The following SNX19 variants were observed in gnomAD, a reference collection of about 807,000 sequenced individuals.
SNX19 encodes the protein sorting nexin 19.
A neutral mutation model predicts 85.2 loss-of-function variants in SNX19; 60 were observed. The ratio of observed to expected loss-of-function variants is 0.70; its 90% CI spans 0.57 to 0.87. The LOEUF (loss-of-function observed/expected upper bound fraction) is 0.87, where lower values mean the gene tolerates loss of function less well. Among genes scored for constraint, SNX19 ranks in the 40% least tolerant of loss-of-function variants. The probability of loss-of-function intolerance (pLI) is 0.00; values close to 1 mark genes in which losing one functional copy is unlikely to be tolerated. For missense variants in SNX19, 1,201 were observed against 1,217.8 expected, an observed-to-expected ratio of 0.99 and a Z score of 0.21; for synonymous variants, 520 against 470.0, an observed-to-expected ratio of 1.11 and a Z score of -1.38.
chr11:130,888,634 C>T (rs1944267560), intron 8 of SNX19, among the ~76,000 whole-genome samples: 1 of 152,182 alleles, frequency 6.6e-6, no homozygotes, highest in African/African-American at 2.4e-5. Context: ...TCATCTGCTT[C>T]AGAAATTTCC....
rs59441467 is a variant in SNX19 at position 130,895,738 on chromosome 11, A to G, written c.2573+7517T>C. ...ACACACACACAGAAATGCAAATGCA[A>G]TGCTCAGGCACACGGCTGTCAGCTG... On this transcript the variant is annotated intron_variant, in intron 8 of 10. Coordinates refer to ENST00000265909, the MANE Select transcript of SNX19 (RefSeq NM_014758.3). Among the ~76,000 whole-genome samples the G allele has an allele frequency of 1.3e-3, 202 of 152,342 alleles. 1 individual carries two copies. The highest frequency in any genetic ancestry group is 4.7e-3 in the African/African-American group (194 of 41,574).
Position 130,908,053 on chromosome 11 carries a change from TCAAGGTGTCCA to T in SNX19, c.2054_2064del (p.Val685GlufsTer8). 1 of 1,614,156 alleles carries T rather than the reference TCAAGGTGTCCA, an allele frequency of 6.2e-7. No individual in the cohort carries two copies. Among genetic ancestry groups the T allele is most frequent in the Non-Finnish European group, 8.5e-7 (1 of 1,180,030 alleles). ...GGTTCAGAGCGAGGAAACGCTGTCT[TCAAGGTGTCCA>T]CAATGGCACTCACCACCATCTGCAG... On this transcript the variant is annotated frameshift_variant, in exon 5 of 11. Coordinates refer to ENST00000265909, the MANE Select transcript of SNX19 (RefSeq NM_014758.3). LOFTEE classifies it high-confidence loss of function.
chr11:130,890,368 TA>T (rs2135323647), intron 8 of SNX19, among the ~76,000 whole-genome samples: 2 of 152,316 alleles, frequency 1.3e-5, no homozygotes, highest in South Asian at 4.1e-4. Context: ...TTCCTGTTTC[TA>T]ACTTTGGCCC....
At position 130,914,877 on chromosome 11, in the gene SNX19, G is replaced by A. The variant is rs773454443; in HGVS notation, c.1063C>T (p.His355Tyr). Residue 355 changes from histidine (H) to tyrosine (Y), a missense_variant, in exon 1 of 11, where the codon CAT becomes TAT. Around this residue, in one of 3 missense-constraint regions of SNX19, gnomAD observed 791 missense variants for 750.9 expected, o/e 1.05. Coordinates refer to ENST00000265909, the MANE Select transcript of SNX19 (RefSeq NM_014758.3). ...CCTCGAACATTTGGCTGTAGGAAAT[G>A]AGATGAGTTGTTTCCTACTTTTCTT... ...EERKVGNNSS[H>Y]FLQPNVRGPL... The A allele has an allele frequency of 4.3e-6, 7 of 1,614,084 alleles. No homozygotes were observed. Among genetic ancestry groups the A allele is most frequent in the Non-Finnish European group, 5.9e-6 (7 of 1,180,038 alleles).
rs1943110038 is a variant in SNX19, at chr11:130,873,605, G to A, written c.*4817C>T. ...TAGAAAATGGGGATATATTAGATTG[G>A]TGCAAAAGTAATTGCATTAAAATGG... On this transcript the variant is annotated 3_prime_UTR_variant, in exon 11 of 11. Transcript: ENST00000265909. Among the ~76,000 whole-genome samples the A allele has an allele frequency of 6.6e-6, 1 of 152,028 alleles. No homozygotes were observed. Among genetic ancestry groups the A allele is most frequent in the Non-Finnish European group, 1.5e-5 (1 of 68,012 alleles).
intron 4 of SNX19, among the ~76,000 whole-genome samples, chr11:130,909,776 G>A (rs1473468800): frequency 6.6e-6 from 1 of 152,168 alleles, no homozygotes; most frequent in Admixed American, 6.5e-5. Context: ...GGAGATATGT[G>A]TACACTTAAG....
At chr11:130,897,417 C>A (rs756596462) in intron 8 of SNX19, among the ~76,000 whole-genome samples, 4 of 152,048 alleles carry the variant, frequency 2.6e-5, no homozygotes, top group Admixed American at 1.3e-4. Flanking sequence ...CCCTTTTTAA[C>A]TGAGAAATCC....
At chr11:130,908,316 G>T in intron 4 of SNX19, 1 of 336,368 alleles carries the variant, frequency 3.0e-6, no homozygotes. Flanking sequence ...AACAAACAAC[G>T]CCATGGGAAA....
intron 4 of SNX19, among the ~76,000 whole-genome samples, chr11:130,909,010 C>T (rs11222383): frequency 0.16 from 24,200 of 152,132 alleles, 2,198 homozygotes; most frequent in Middle Eastern, 0.25. Flanking sequence ...TGGGGGAGAA[C>T]AAACCAGGGA....
Position 130,873,955 on chromosome 11 carries a change from A to G in SNX19, c.*4467T>C, listed in dbSNP as rs950414301. On this transcript the variant is annotated 3_prime_UTR_variant, in exon 11 of 11. Transcript: ENST00000265909. ...AAAATACTATTGAAAGCCAATCACA[A>G]TGCCATTCTCAGTGTCAGTGGATTG... Among the ~76,000 whole-genome samples, 10 of 152,230 alleles carry G rather than the reference A, an allele frequency of 6.6e-5. No individual in the cohort carries two copies. The highest frequency in any genetic ancestry group is 1.9e-4 in the East Asian group (1 of 5,182).
Position 130,915,020 on chromosome 11 carries a change from G to A in SNX19, c.920C>T (p.Pro307Leu), listed in dbSNP as rs1377036293. 2 of 1,614,020 alleles carry A rather than the reference G, an allele frequency of 1.2e-6. No individual in the cohort carries two copies. The highest frequency in any genetic ancestry group is 1.7e-5 in the Admixed American group (1 of 60,004). ...ACTTAGGAATACTGGGGCTGCTACT[G>A]GAGAAGCTCTCCCTTCTGGAAGCTG... Reference protein sequence around the residue: ...VEQLPEGRASPVAAPVFLSYS... With the variant: ...VEQLPEGRASLVAAPVFLSYS... Residue 307 changes from proline (P) to leucine (L), a missense_variant, in exon 1 of 11, where the codon CCA (proline) becomes CTA (leucine). Coordinates refer to ENST00000265909, the MANE Select transcript of SNX19 (RefSeq NM_014758.3).
chr11:130,899,486 A>G (rs930954664), intron 8 of SNX19, among the ~76,000 whole-genome samples: 52 of 152,346 alleles, frequency 3.4e-4, no homozygotes, highest in African/African-American at 1.2e-3. Flanking sequence ...AAAAGATGGG[A>G]AAAATGATTT....
intron 4 of SNX19, among the ~76,000 whole-genome samples, chr11:130,908,800 G>A (rs976402636): frequency 6.6e-6 from 1 of 152,232 alleles, no homozygotes; most frequent in Non-Finnish European, 1.5e-5. Flanking sequence ...AAAGGACAAT[G>A]TACAAACAAA....
At chr11:130,902,948 TGGA>T (rs769349996) in intron 8 of SNX19, 2 of 262,348 alleles carry the variant, frequency 7.6e-6, no homozygotes, top group Non-Finnish European at 1.5e-5. Context: ...GGTGCAGGGC[TGGA>T]GGATATAACT....
At chr11:130,900,422 C>A (rs151191009) in intron 8 of SNX19, among the ~76,000 whole-genome samples, 2 of 152,186 alleles carry the variant, frequency 1.3e-5, no homozygotes, top group African/African-American at 4.8e-5. Context: ...ATGTCTGCCA[C>A]GCAGCTGGAG....
Position 130,871,713 on chromosome 11 carries a change from C to A in SNX19, c.*6709G>T, listed in dbSNP as rs1221952480. On this transcript the variant is annotated 3_prime_UTR_variant, in exon 11 of 11. Coordinates refer to ENST00000265909, the MANE Select transcript of SNX19 (RefSeq NM_014758.3). ...GAGTTCTGTGTTTATCTAGCTACAT[C>A]TTTACTCTCATGGGTTAATCAAAGT... is the stretch of plus-strand genomic sequence containing the variant. Among the ~76,000 whole-genome samples, 6 of 152,138 alleles carry A rather than the reference C, an allele frequency of 3.9e-5. No homozygotes were observed. The highest frequency in any genetic ancestry group is 3.3e-4 in the Admixed American group (5 of 15,272).
Position 130,867,332 on chromosome 11 carries a change from A to C in SNX19, c.*11090T>G, listed in dbSNP as rs187757465. 1.3e-5 allele frequency: 2 copies of C among 152,354 alleles called. No individual in the cohort carries two copies. The highest frequency in any genetic ancestry group is 1.3e-4 in the Admixed American group (2 of 15,310). 9.4% of individuals were successfully genotyped at this position (152,354 alleles called of 1,614,324 possible). A position where few individuals can be genotyped will look rare whatever the true frequency, so the allele number is the denominator to read the frequency against. ...TCTTTTCCTCAGAGGAATGATGAAA[A>C]GATGAAATGAGATGGCTGATGGGAA... is the stretch of plus-strand genomic sequence containing the variant. On this transcript the variant is annotated 3_prime_UTR_variant, in exon 11 of 11. Coordinates refer to ENST00000265909, the MANE Select transcript of SNX19 (RefSeq NM_014758.3).
rs1316360446 is a variant in SNX19, at chr11:130,876,256, A to ATTGT, written c.*2162_*2165dup. The ATTGT allele has an allele frequency of 1.7e-4, 26 of 152,230 alleles. 1 individual carries two copies. Among genetic ancestry groups the ATTGT allele is most frequent in the Admixed American group, 1.6e-3 (24 of 15,284 alleles). 9.4% of individuals were successfully genotyped at this position (152,230 alleles called of 1,614,324 possible). A position where few individuals can be genotyped will look rare whatever the true frequency, so the allele number is the denominator to read the frequency against. On this transcript the variant is annotated 3_prime_UTR_variant, in exon 11 of 11. Coordinates refer to ENST00000265909, the MANE Select transcript of SNX19 (RefSeq NM_014758.3). ...CTTTTCTACCTGTGGCTCTCTACCA[A>ATTGT]TTGTTACTCTCTTGTTGTCTGAACC...
rs981660079 is a variant in SNX19 at position 130,875,012 on chromosome 11, G to C, written c.*3410C>G. On this transcript the variant is annotated 3_prime_UTR_variant, in exon 11 of 11. Coordinates refer to ENST00000265909, the MANE Select transcript of SNX19 (RefSeq NM_014758.3). ...TATGATCCAGCAATCCTACTTCTGG[G>C]TATTTATCTAAAATAATTAAAAGCA... 6.6e-6 allele frequency among the ~76,000 whole-genome samples: 1 copy of C among 152,142 alleles called. No individual in the cohort carries two copies. Among genetic ancestry groups the C allele is most frequent in the Non-Finnish European group, 1.5e-5 (1 of 68,032 alleles).
Sources: allele counts gnomAD v4.1 joint callset (sites outside exome capture counted in the v4.1 genomes callset), GRCh38; gene constraint gnomAD v4.1.1; regional missense constraint gnomAD v4.1.1; transcripts MANE v1.5; gene names NCBI Gene and HGNC (gene_info 2026-07-23, HGNC 2026-07-21).